RXFP2: variants seen among roughly 807,000 people sequenced by gnomAD.
The protein encoded by RXFP2 is relaxin receptor 2.
Under a neutral mutation model 88.6 loss-of-function variants are expected in RXFP2, and 68 were observed. That is an observed-to-expected ratio of 0.77 (90% CI 0.63 to 0.94). The LOEUF (loss-of-function observed/expected upper bound fraction) is 0.94. Ranked by LOEUF, RXFP2 falls within the 40% of genes least tolerant of loss-of-function variation. The pLI, the probability that RXFP2 is intolerant of heterozygous loss-of-function variation, is 0.00. For missense variants in RXFP2, 791 were observed against 893.9 expected, an observed-to-expected ratio of 0.88 and a Z score of 1.47; for synonymous variants, 329 against 306.8, an observed-to-expected ratio of 1.07 and a Z score of -0.76.
At chr13:31,785,933 T>C (rs186634917) in intron 11 of RXFP2, among the ~76,000 whole-genome samples, 1 of 152,364 alleles carries the variant, frequency 6.6e-6, no homozygotes, top group African/African-American at 2.4e-5. Context: ...TCTGGGCAGA[T>C]ACTGAGTGGA....
chr13:31,754,375 A>C (rs1165931132), intron 1 of RXFP2, among the ~76,000 whole-genome samples: 1 of 152,166 alleles, frequency 6.6e-6, no homozygotes, highest in East Asian at 1.9e-4. Context: ...TACTAAATAT[A>C]CAAAAAATAG....
In RXFP2 at chr13:31,798,244, T is replaced by G. The variant is rs575570345; in HGVS notation, c.2005+825T>G. Among the ~76,000 whole-genome samples the G allele has an allele frequency of 2.6e-5, 4 of 152,304 alleles. No homozygotes were observed. The South Asian group carries it at 8.3e-4, about 32-fold the overall frequency. ...AAACAGCTGTAACAACCTATGTCCC[T>G]CCTGTGCACTCAGTTGTGAGGCTAT... On this transcript the variant is annotated intron_variant, in intron 17 of 17. Coordinates refer to ENST00000298386, the MANE Select transcript of RXFP2 (RefSeq NM_130806.5).
Position 31,739,571 on chromosome 13 carries a change from G to A in RXFP2, c.-42G>A, listed in dbSNP as rs112639961. 1 of 1,263,536 alleles carries A rather than the reference G, an allele frequency of 7.9e-7. No individual in the cohort carries two copies. The highest frequency in any genetic ancestry group is 1.7e-5 in the Admixed American group (1 of 59,406). The allele number at this position is 1,263,536 out of a possible 1,614,324, so 78.3% of individuals were successfully genotyped here. A position where few individuals can be genotyped will look rare whatever the true frequency, so the allele number is the denominator to read the frequency against. On this transcript the variant is annotated 5_prime_UTR_variant, in exon 1 of 18. Transcript: ENST00000298386. ...CTTACTACATCAGAACTCCTGCTGA[G>A]GTATAAGAGGATACGTCTAATAACT...
Position 31,776,097 on chromosome 13 carries a change from T to TTCCTTCTTTC in RXFP2, c.641+709_641+710insCCTTCTTTCT, listed in dbSNP as rs1566227777. ...CTTTCTTTCCTTCCTTCTTTCTTTC[T>TTCCTTCTTTC]TTTCTTTTCTTTCTTTCTTTCTTTC... On this transcript the variant is annotated intron_variant, in intron 7 of 17. Transcript: ENST00000298386. Among the ~76,000 whole-genome samples, 223 of 112,830 alleles carry TTCCTTCTTTC rather than the reference T, an allele frequency of 2.0e-3. 3 individuals carry two copies. Among genetic ancestry groups the TTCCTTCTTTC allele is most frequent in the African/African-American group, 8.1e-3 (213 of 26,190 alleles). 74.0% of individuals were successfully genotyped at this position (112,830 alleles called of 152,430 possible). A position where few individuals can be genotyped will look rare whatever the true frequency, so the allele number is the denominator to read the frequency against.
At chr13:31,782,068 A>T (rs1354110970) in intron 10 of RXFP2, among the ~76,000 whole-genome samples, 3 of 152,116 alleles carry the variant, frequency 2.0e-5, no homozygotes, top group African/African-American at 7.2e-5. Context: ...TAGCTGTACA[A>T]TGATTAGCTT....
intron 16 of RXFP2, among the ~76,000 whole-genome samples, chr13:31,795,353 T>C (rs1873981465): frequency 6.6e-6 from 1 of 152,152 alleles, no homozygotes; most frequent in South Asian, 2.1e-4. Flanking sequence ...TTTCACCACG[T>C]TGGCCAGGCT....
chr13:31,756,315 C>T (rs1019426005), intron 1 of RXFP2, among the ~76,000 whole-genome samples: 9 of 152,210 alleles, frequency 5.9e-5, no homozygotes, highest in Non-Finnish European at 1.2e-4. Context: ...GTTTCCTCAT[C>T]TTTATTTGGG....
intron 1 of RXFP2, among the ~76,000 whole-genome samples, chr13:31,744,436 T>TAAACTATATA (rs1193652472): frequency 1.3e-4 from 20 of 152,248 alleles, no homozygotes; most frequent in African/African-American, 4.6e-4. Context: ...GTTCATAGCA[T>TAAACTATATA]GTGCATTAAC....
intron 11 of RXFP2, among the ~76,000 whole-genome samples, chr13:31,785,715 C>T (rs1455189889): frequency 1.3e-5 from 2 of 152,038 alleles, no homozygotes; most frequent in African/African-American, 4.8e-5. Flanking sequence ...TTAACATCTT[C>T]TCTGGCTCAG....
At chr13:31,801,189 A>G (rs1874321671) in intron 17 of RXFP2, among the ~76,000 whole-genome samples, 1 of 152,172 alleles carries the variant, frequency 6.6e-6, no homozygotes, top group Admixed American at 6.5e-5. Flanking sequence ...GATGAGAGAA[A>G]GCATCATGGG....
intron 9 of RXFP2, among the ~76,000 whole-genome samples, chr13:31,780,444 A>AT (rs909847125): frequency 6.6e-6 from 1 of 152,174 alleles, no homozygotes; most frequent in Non-Finnish European, 1.5e-5. Context: ...TTAGGAGAGT[A>AT]TGGTGTTTGT....
chr13:31,785,176 G>T (rs1873472126), intron 11 of RXFP2, among the ~76,000 whole-genome samples: 1 of 152,038 alleles, frequency 6.6e-6, no homozygotes, highest in East Asian at 1.9e-4. Flanking sequence ...TGGGTCCCGG[G>T]GATGTGCTCT....
At position 31,778,663 on chromosome 13, in the gene RXFP2, G is replaced by A. The variant is rs770519177; in HGVS notation, c.785+80G>A. On this transcript the variant is annotated intron_variant, in intron 9 of 17. Coordinates refer to ENST00000298386, the MANE Select transcript of RXFP2 (RefSeq NM_130806.5). ...CATAAAGTTAATTCAAGGTTACCTA[G>A]AAAGTCCATCTATAATTTCTTTCCA... 319 of 991,654 alleles carry A rather than the reference G, an allele frequency of 3.2e-4. 1 individual carries two copies. The highest frequency in any genetic ancestry group is 4.7e-4 in the Admixed American group (28 of 59,108). 61.4% of individuals were successfully genotyped at this position (991,654 alleles called of 1,614,324 possible).
At chr13:31,759,377 GAAA>G (rs1872149602) in intron 2 of RXFP2, among the ~76,000 whole-genome samples, 1 of 102,242 alleles carries the variant, frequency 9.8e-6, no homozygotes, top group African/African-American at 3.9e-5. Context: ...TTTGGATTGA[GAAA>G]GAAAGAAAGA....
intron 1 of RXFP2, among the ~76,000 whole-genome samples, chr13:31,741,466 A>G (rs1309927317): frequency 6.6e-6 from 1 of 152,178 alleles, no homozygotes; most frequent in Non-Finnish European, 1.5e-5. Context: ...TCACAACAAA[A>G]TTGTGGACAA....
chr13:31,757,248 T>C (rs891794671), intron 1 of RXFP2, among the ~76,000 whole-genome samples: 2 of 152,228 alleles, frequency 1.3e-5, no homozygotes, highest in African/African-American at 4.8e-5. Flanking sequence ...AGTCTCATAG[T>C]GCAATGGCTA....
At chr13:31,776,761 AACCTGGCTTC>A (rs929300614) in intron 7 of RXFP2, among the ~76,000 whole-genome samples, 3 of 152,116 alleles carry the variant, frequency 2.0e-5, no homozygotes, top group African/African-American at 7.2e-5. Flanking sequence ...GAGGAAACAC[AACCTGGCTTC>A]ACAGGCAACA....
intron 11 of RXFP2, among the ~76,000 whole-genome samples, chr13:31,783,975 C>A (rs1028032800): frequency 1.5e-4 from 15 of 102,986 alleles, no homozygotes; most frequent in African/African-American, 4.2e-4. Flanking sequence ...TGCCACCATG[C>A]CTGGCTAATT....
chr13:31,762,693 A>G (rs1177948197), intron 3 of RXFP2, among the ~76,000 whole-genome samples: 2 of 152,160 alleles, frequency 1.3e-5, no homozygotes, highest in Admixed American at 6.5e-5. Flanking sequence ...TATTTTATGT[A>G]CTCTATAATA....
Sources: gnomAD v4.1 joint callset for allele counts (sites outside exome capture counted in the v4.1 genomes callset) on GRCh38, gnomAD v4.1.1 for gene constraint, MANE v1.5 for transcripts, NCBI Gene and HGNC (gene_info 2026-07-23, HGNC 2026-07-21) for gene names.